MIB1: variants seen among roughly 807,000 people sequenced by gnomAD.
MIB1 encodes MIB E3 ubiquitin protein ligase 1.
Under a neutral mutation model 124.5 loss-of-function variants are expected in MIB1, and 278 were observed. The ratio of observed to expected loss-of-function variants is 2.23; its 90% CI spans 2.02 to 2.47. MIB1 has a LOEUF of 2.47. Ranked by LOEUF, MIB1 falls within the 30% of genes most tolerant of loss-of-function variation. MIB1 has a pLI of 0.00. For missense variants in MIB1, 957 were observed against 1,254.4 expected (o/e 0.76, Z 3.58); for synonymous variants, 446 against 429.4 (o/e 1.04, Z -0.48).
At chr18:21,803,254 AT>A (rs531053661) in intron 9 of MIB1, among the ~76,000 whole-genome samples, 2 of 152,330 alleles carry the variant, frequency 1.3e-5, no homozygotes, top group South Asian at 4.1e-4. Context: ...CCAAGCTACC[AT>A]CTTTAACTAT....
chr18:21,864,435 A>C, intron 20 of MIB1, 91 bp from the exon 21 acceptor site: 1 of 1,063,684 alleles, frequency 9.4e-7, no homozygotes, highest in Non-Finnish European at 1.4e-6. Flanking sequence ...TATTTGACTA[A>C]AACAACTAAA....
intron 1 of MIB1, among the ~76,000 whole-genome samples, chr18:21,759,395 A>C (rs1598596163): frequency 6.6e-6 from 1 of 151,450 alleles, no homozygotes; most frequent in Non-Finnish European, 1.5e-5. Flanking sequence ...GGTGCGCACC[A>C]CTGGGCCCAG....
intron 12 of MIB1, among the ~76,000 whole-genome samples, chr18:21,822,089 A>G (rs572961376): frequency 6.6e-6 from 1 of 152,338 alleles, no homozygotes; most frequent in South Asian, 2.1e-4. Context: ...GTTAAATATC[A>G]CAAGATGTTA....
At chr18:21,717,549 GA>G (rs373530419) in intron 1 of MIB1, among the ~76,000 whole-genome samples, 1,740 of 150,614 alleles carry the variant, frequency 0.012, 39 homozygotes, top group African/African-American at 0.04. Flanking sequence ...AAATTAGCAA[GA>G]AAAAAAACAA....
intron 1 of MIB1, among the ~76,000 whole-genome samples, chr18:21,753,442 C>T (rs1286003214): frequency 6.6e-6 from 1 of 152,104 alleles, no homozygotes; most frequent in East Asian, 1.9e-4. Flanking sequence ...CCTACCTTGA[C>T]CTCCCAAAGT....
intron 1 of MIB1, among the ~76,000 whole-genome samples, chr18:21,709,767 T>TTCCC (rs1225949348): frequency 1.3e-5 from 2 of 152,182 alleles, no homozygotes; most frequent in Non-Finnish European, 2.9e-5. Context: ...ATGGAGCAAC[T>TTCCC]TAGCCACATC....
chr18:21,794,952 A>C (rs1465397345), intron 7 of MIB1, among the ~76,000 whole-genome samples: 1 of 152,102 alleles, frequency 6.6e-6, no homozygotes, highest in African/African-American at 2.4e-5. Flanking sequence ...TCAGACAACC[A>C]AAACGACTGT....
At chr18:21,771,051 T>TA (rs2041219222) in intron 3 of MIB1, among the ~76,000 whole-genome samples, 1 of 152,214 alleles carries the variant, frequency 6.6e-6, no homozygotes. Flanking sequence ...AAGGGGCACA[T>TA]AAAGTCTGAT....
intron 1 of MIB1, among the ~76,000 whole-genome samples, chr18:21,720,991 G>A (rs1268995134): frequency 6.6e-6 from 1 of 151,806 alleles, no homozygotes; most frequent in Non-Finnish European, 1.5e-5. Context: ...TGAGAAGTGG[G>A]TGTGGATTGA....
chr18:21,844,196 C>T lies in MIB1; in HGVS notation c.2154C>T (p.Leu718=), dbSNP rs1239145083. The T allele has an allele frequency of 5.6e-6, 9 of 1,614,106 alleles. No individual in the cohort carries two copies. The highest frequency in any genetic ancestry group is 1.1e-5 in the South Asian group (1 of 91,074). ...ACACTTTGTCTCAGCTACGTCAGCT[C>T]CAAGATATGCAAGATGTGGGGAAGG... The part of the protein sequence containing the change: ...RHHTLSQLRQ[L]QDMQDVGKVD... Residue 718 remains leucine, a synonymous_variant, in exon 15 of 21, where the codon CTC becomes CTT. Coordinates refer to ENST00000261537, the MANE Select transcript of MIB1 (RefSeq NM_020774.4).
chr18:21,843,752 T>G (rs2042111425), intron 14 of MIB1, among the ~76,000 whole-genome samples: 1 of 152,216 alleles, frequency 6.6e-6, no homozygotes. Flanking sequence ...CTGGTGGAAG[T>G]GCTTAAAATA....
chr18:21,708,103 G>T (rs1227156219), intron 1 of MIB1, among the ~76,000 whole-genome samples: 1 of 152,166 alleles, frequency 6.6e-6, no homozygotes, highest in Non-Finnish European at 1.5e-5. Context: ...CCATCACCTT[G>T]AGGGGCTAGG....
intron 19 of MIB1, 69 bp from the exon 20 acceptor site, chr18:21,858,477 A>G (rs1270121648): frequency 5.2e-6 from 4 of 770,220 alleles, no homozygotes; most frequent in Non-Finnish European, 8.5e-6. Flanking sequence ...AAACAGTAAT[A>G]TTTTATTTTA....
At position 21,768,761 on chromosome 18, in the gene MIB1, T is replaced by C; in HGVS notation, c.531+9T>C. Reference sequence around the variant, plus strand: ...ATGGACGTAGGGGAAAGGTACAGTGTTTCTCTGAATTCATTATGTATTCTA... The same window carrying C: ...ATGGACGTAGGGGAAAGGTACAGTGCTTCTCTGAATTCATTATGTATTCTA... On this transcript the variant is annotated intron_variant, in intron 3 of 20. Transcript: ENST00000261537. The C allele has an allele frequency of 6.2e-7, 1 of 1,604,316 alleles. No homozygotes were observed. The highest frequency in any genetic ancestry group is 8.5e-7 in the Non-Finnish European group (1 of 1,175,158).
In MIB1 at chr18:21,741,622, G is replaced by T; in HGVS notation, c.39G>T (p.Gly13=). Residue 13 remains glycine, a synonymous_variant, in exon 1 of 21, where the codon GGG becomes GGT. Coordinates refer to ENST00000261537, the MANE Select transcript of MIB1 (RefSeq NM_020774.4). This position sits in a 1 kb window ranked among gnomAD's most constrained non-coding sequence, Gnocchi z 5.4. ...NSRNNRVMVE[G]VGARVVRGPD... ...GGAATAACCGGGTGATGGTGGAAGG[G>T]GTTGGCGCTCGGGTAGTGCGCGGCC... is the stretch of plus-strand genomic sequence containing the variant. The T allele has an allele frequency of 6.2e-7, 1 of 1,605,078 alleles. No individual in the cohort carries two copies. The highest frequency in any genetic ancestry group is 8.5e-7 in the Non-Finnish European group (1 of 1,176,872).
In MIB1 at chr18:21,798,122, A is replaced by G; in HGVS notation, c.1131A>G (p.Ser377=). 6.2e-7 allele frequency: 1 copy of G among 1,613,290 alleles called. No homozygotes were observed. Among genetic ancestry groups the G allele is most frequent in the East Asian group, 2.2e-5 (1 of 44,858 alleles). ...GKVGRVQQIY[S]DSDLKVEVCG... is the part of the protein sequence containing the mutation. ...TTGGCCGAGTACAACAGATTTATTC[A>G]GACAGTGATTTAAAGGTGGAAGTTT... Residue 377 remains serine, a synonymous_variant, in exon 8 of 21, where the codon TCA becomes TCG. Transcript: ENST00000261537.
rs1297689755 is a variant in MIB1 at position 21,791,557 on chromosome 18, A to G, written c.1092A>G (p.Pro364=). Residue 364 remains proline (P), a splice_region_variant and synonymous_variant, in exon 7 of 21, where the codon CCA becomes CCG. Coordinates refer to ENST00000261537, the MANE Select transcript of MIB1 (RefSeq NM_020774.4). ...GHGEWAEAML[P]TLGKVGRVQQ... ...GAGAATGGGCTGAAGCGATGCTTCC[A>G]GTAAGTATGTTTAGAATAATTCTGG... 6.2e-7 allele frequency: 1 copy of G among 1,608,334 alleles called. No homozygotes were observed. The highest frequency in any genetic ancestry group is 2.2e-5 in the East Asian group (1 of 44,818).
intron 4 of MIB1, among the ~76,000 whole-genome samples, chr18:21,775,077 C>G (rs1413148755): frequency 2.0e-5 from 3 of 151,958 alleles, no homozygotes; most frequent in East Asian, 3.9e-4. Context: ...TTCCTAGTAG[C>G]TGGGACTGTA....
At chr18:21,863,154 C>A (rs1255649719) in intron 20 of MIB1, among the ~76,000 whole-genome samples, 1 of 152,214 alleles carries the variant, frequency 6.6e-6, no homozygotes. Flanking sequence ...ATTGCAGGAT[C>A]CATGCAGCGG....
Sources: gnomAD v4.1 joint callset for allele counts (sites outside exome capture counted in the v4.1 genomes callset) on GRCh38, gnomAD v4.1.1 for gene constraint, Gnocchi (gnomAD v3.1) non-coding constraint, MANE v1.5 for transcripts, NCBI Gene and HGNC (gene_info 2026-07-23, HGNC 2026-07-21) for gene names.